Variants in GDNF observed in about 807,000 individuals in gnomAD.
GDNF encodes the protein glial cell line-derived neurotrophic factor.
Under a neutral mutation model 13.7 loss-of-function variants are expected in GDNF, and 5 were observed. The ratio of observed to expected loss-of-function variants is 0.36; its 90% CI spans 0.19 to 0.77. The LOEUF (loss-of-function observed/expected upper bound fraction) is 0.77. GDNF is among the 30% of genes least tolerant of loss of function. The probability of loss-of-function intolerance (pLI) is 0.51; values close to 1 mark genes in which losing one functional copy is unlikely to be tolerated. For synonymous variants in GDNF, 122 were observed against 112.5 expected (o/e 1.08, Z -0.53); for missense variants, 246 against 274.3 (o/e 0.90, Z 0.73).
intron 2 of GDNF, among the ~76,000 whole-genome samples, chr5:37,821,922 T>C (rs1750154622): frequency 6.6e-6 from 1 of 152,222 alleles, no homozygotes. Flanking sequence ...AGTCTTTTCG[T>C]AAAATGCCAG....
At chr5:37,830,036 G>A (rs1750466346) in intron 2 of GDNF, among the ~76,000 whole-genome samples, 1 of 152,124 alleles carries the variant, frequency 6.6e-6, no homozygotes, top group Non-Finnish European at 1.5e-5. Context: ...ACAGATAGAT[G>A]GTGTTTGTTC....
intron 2 of GDNF, among the ~76,000 whole-genome samples, chr5:37,823,550 G>C (rs1482658410): frequency 6.6e-6 from 1 of 152,212 alleles, no homozygotes; most frequent in Admixed American, 6.5e-5. Flanking sequence ...ATCACGCTAA[G>C]ACAGCTCTGG....
rs187081540 is a variant in GDNF, at chr5:37,825,969, C to T, written c.151+8677G>A. Among the ~76,000 whole-genome samples the T allele has an allele frequency of 3.3e-5, 5 of 152,314 alleles. No homozygotes were observed. The East Asian group carries it at 9.6e-4, about 29-fold the overall frequency. The stretch of plus-strand genomic sequence containing the variant: ...CAGGTAATGAGATACGGTTATCATT[C>T]TAAAACAACTTTACCTGCCAAACCC... On this transcript the variant is annotated intron_variant, in intron 2 of 2. Transcript: ENST00000326524.
chr5:37,821,805 G>C (rs1750150782), intron 2 of GDNF, among the ~76,000 whole-genome samples: 1 of 152,180 alleles, frequency 6.6e-6, no homozygotes, highest in South Asian at 2.1e-4. Flanking sequence ...AGTCAACTGA[G>C]TTTTAATAGG....
intron 2 of GDNF, among the ~76,000 whole-genome samples, chr5:37,819,894 T>C (rs1037706955): frequency 3.9e-5 from 6 of 152,154 alleles, no homozygotes; most frequent in Admixed American, 3.9e-4. Flanking sequence ...AAAAATGAGC[T>C]GCTTTAGCTA....
At chr5:37,823,508 G>A (rs1333554851) in intron 2 of GDNF, 2 of 152,222 alleles carry the variant, frequency 1.3e-5, no homozygotes, top group Non-Finnish European at 2.9e-5. Context: ...ATGCTACTCA[G>A]GGGCATTTCT....
In GDNF at chr5:37,812,992, G is replaced by A. The variant is rs1182947816; in HGVS notation, c.*2659C>T. The A allele has an allele frequency of 6.6e-6, 1 of 152,268 alleles. No individual in the cohort carries two copies. Among genetic ancestry groups the A allele is most frequent in the Non-Finnish European group, 1.5e-5 (1 of 68,144 alleles). 9.4% of individuals were successfully genotyped at this position (152,268 alleles called of 1,614,324 possible). On this transcript the variant is annotated 3_prime_UTR_variant, in exon 3 of 3. Transcript: ENST00000326524. ...GCTTTTTTGGGCAGGGACTCTCCAT[G>A]GGGAGTTGTTGGGGGGGGTCACTGA... is the stretch of plus-strand genomic sequence containing the variant.
chr5:37,815,592 T>C lies in GDNF; in HGVS notation c.*59A>G, dbSNP rs975685452. The C allele has an allele frequency of 7.8e-6, 12 of 1,541,202 alleles. No homozygotes were observed. The highest frequency in any genetic ancestry group is 6.9e-5 in the African/African-American group (5 of 72,322). On this transcript the variant is annotated 3_prime_UTR_variant, in exon 3 of 3. Transcript: ENST00000326524. The surrounding 1 kb of genome is among the most constrained non-coding windows in gnomAD (Gnocchi z 5.0). ...CTGGGCAAACATTTCCTGGGAACCTTGGTCCCTTTCTTTGCACTGTAGCAG... is the reference window on the plus strand; with the variant it reads ...CTGGGCAAACATTTCCTGGGAACCTCGGTCCCTTTCTTTGCACTGTAGCAG...
At chr5:37,822,602 A>G (rs1286158504) in intron 2 of GDNF, among the ~76,000 whole-genome samples, 9 of 152,210 alleles carry the variant, frequency 5.9e-5, no homozygotes, top group Non-Finnish European at 1.2e-4. Flanking sequence ...GACAGGAGGA[A>G]AATGGAAAAC....
intron 2 of GDNF, among the ~76,000 whole-genome samples, chr5:37,817,723 G>C (rs775402153): frequency 6.6e-4 from 100 of 152,134 alleles, no homozygotes; most frequent in Non-Finnish European, 1.2e-3. Context: ...GCATTGGCAG[G>C]ATCAGCTGCA....
chr5:37,834,144 C>G (rs1388229294), intron 2 of GDNF, among the ~76,000 whole-genome samples: 1 of 152,254 alleles, frequency 6.6e-6, no homozygotes, highest in Non-Finnish European at 1.5e-5. Flanking sequence ...AAATGGAGGC[C>G]CTTCTGTGTT....
In GDNF at chr5:37,838,514, C is replaced by A; in HGVS notation, c.-27+993G>T. The stretch of plus-strand genomic sequence containing the variant: ...GGGCCGGAAGAGTTGCCTTTGTCCC[C>A]GCCTATGAGCAGAAGGGTCGCGAGC... On this transcript the variant is annotated intron_variant, in intron 1 of 2. Coordinates refer to ENST00000326524, the MANE Select transcript of GDNF (RefSeq NM_000514.4). This position sits in a 1 kb window ranked among gnomAD's most constrained non-coding sequence, Gnocchi z 4.1. Among the ~76,000 whole-genome samples, 1 of 152,324 alleles carries A rather than the reference C, an allele frequency of 6.6e-6. No individual in the cohort carries two copies. Among genetic ancestry groups the A allele is most frequent in the African/African-American group, 2.4e-5 (1 of 41,582 alleles).
rs529350874 is a variant in GDNF at position 37,824,223 on chromosome 5, G to A, written c.152-8088C>T. On this transcript the variant is annotated intron_variant, in intron 2 of 2. Transcript: ENST00000326524. ...TAGAGATGGGCCCCATGACCCCTGA[G>A]AGGACACACTACAGCCTCACGCTAC... 17 of 158,380 alleles carry A rather than the reference G, an allele frequency of 1.1e-4. No homozygotes were observed. In the South Asian group the frequency reaches 3.2e-3, roughly 30 times the overall value. The allele number at this position is 158,380 out of a possible 1,614,324, so 9.8% of individuals were successfully genotyped here.
In GDNF at chr5:37,837,144, G is replaced by A. The variant is rs1750735811; in HGVS notation, c.-26-2322C>T. Among the ~76,000 whole-genome samples, 2 of 152,218 alleles carry A rather than the reference G, an allele frequency of 1.3e-5. No homozygotes were observed. Among genetic ancestry groups the A allele is most frequent in the South Asian group, 2.1e-4 (1 of 4,832 alleles). ...GGTTGGGGGACTCGGCACACACAGCGTCTACTAGGACGTTTTTCTTAGAGT... is the reference window on the plus strand; with the variant it reads ...GGTTGGGGGACTCGGCACACACAGCATCTACTAGGACGTTTTTCTTAGAGT... On this transcript the variant is annotated intron_variant, in intron 1 of 2. Coordinates refer to ENST00000326524, the MANE Select transcript of GDNF (RefSeq NM_000514.4). This position sits in a 1 kb window ranked among gnomAD's most constrained non-coding sequence, Gnocchi z 6.5.
chr5:37,834,470 C>T (rs929592352), intron 2 of GDNF, among the ~76,000 whole-genome samples, 176 bp downstream of exon 2: 3 of 152,208 alleles, frequency 2.0e-5, no homozygotes, highest in Non-Finnish European at 1.5e-5. Flanking sequence ...GCCAGGCGTG[C>T]GGGCAGCAGT....
At position 37,815,509 on chromosome 5, in the gene GDNF, T is replaced by TCCTCCTCCTCCTCCTCCTCCTCCTCCA; in HGVS notation, c.*141_*142insTGGAGGAGGAGGAGGAGGAGGAGGAGG. 1.3e-6 allele frequency: 1 copy of TCCTCCTCCTCCTCCTCCTCCTCCTCCA among 755,528 alleles called. No homozygotes were observed. 46.8% of individuals were successfully genotyped at this position (755,528 alleles called of 1,614,324 possible). ...GCCTTCCTCCTCCTCCTCCTCCTCCTCCTCCTCCTCCTCTTCTTCTTCCTC... is the reference window on the plus strand; with the variant it reads ...GCCTTCCTCCTCCTCCTCCTCCTCCTCCTCCTCCTCCTCCTCCTCCTCCTCCACCTCCTCCTCCTCTTCTTCTTCCTC... On this transcript the variant is annotated 3_prime_UTR_variant, in exon 3 of 3. Transcript: ENST00000326524. This position sits in a 1 kb window ranked among gnomAD's most constrained non-coding sequence, Gnocchi z 5.0.
chr5:37,830,059 G>T (rs574399465), intron 2 of GDNF, among the ~76,000 whole-genome samples: 7 of 152,142 alleles, frequency 4.6e-5, no homozygotes, highest in Non-Finnish European at 7.4e-5. Flanking sequence ...TCTAAATTCT[G>T]TATTTCATAA....
At chr5:37,827,445 A>T (rs1750366724) in intron 2 of GDNF, among the ~76,000 whole-genome samples, 1 of 152,236 alleles carries the variant, frequency 6.6e-6, no homozygotes, top group African/African-American at 2.4e-5. Flanking sequence ...CAAAATGCTA[A>T]AAAAGAGGTT....
At chr5:37,820,415 A>T (rs769540100) in intron 2 of GDNF, among the ~76,000 whole-genome samples, 7 of 152,214 alleles carry the variant, frequency 4.6e-5, no homozygotes, top group Non-Finnish European at 8.8e-5. Context: ...CCTTTTTAAG[A>T]CATTTTGACC....
Sources: gnomAD v4.1 joint callset for allele counts (sites outside exome capture counted in the v4.1 genomes callset) on GRCh38, gnomAD v4.1.1 for gene constraint, Gnocchi (gnomAD v3.1) non-coding constraint, MANE v1.5 for transcripts, NCBI Gene and HGNC (gene_info 2026-07-23, HGNC 2026-07-21) for gene names.